TAF3: variants seen among roughly 807,000 people sequenced by gnomAD.
The protein encoded by TAF3 is TATA-box binding protein associated factor 3.
Under a neutral mutation model 80.6 loss-of-function variants are expected in TAF3, and 7 were observed. That is an observed-to-expected ratio of 0.09 (90% CI 0.05 to 0.16). TAF3 has a LOEUF of 0.16. Among genes scored for constraint, TAF3 ranks in the 10% least tolerant of loss-of-function variants. The probability of loss-of-function intolerance (pLI) is 1.00; values close to 1 mark genes in which losing one functional copy is unlikely to be tolerated. For missense variants in TAF3, 921 were observed against 1,140.2 expected, an observed-to-expected ratio of 0.81 and a Z score of 2.77; for synonymous variants, 444 against 446.1, an observed-to-expected ratio of 1.00 and a Z score of 0.06.
intron 2 of TAF3, among the ~76,000 whole-genome samples, chr10:7,887,206 T>C (rs12217809): frequency 0.18 from 27,614 of 150,070 alleles, 2,737 homozygotes; most frequent in East Asian, 0.29. Flanking sequence ...CACTCCTGCC[T>C]GGGTGACAGA....
chr10:7,836,144 C>T (rs1282166617), intron 2 of TAF3, among the ~76,000 whole-genome samples: 3 of 152,126 alleles, frequency 2.0e-5, no homozygotes, highest in Non-Finnish European at 4.4e-5. Flanking sequence ...ATGTTTCTCA[C>T]GTTACTTAGT....
At chr10:7,880,088 A>G (rs561597246) in intron 2 of TAF3, among the ~76,000 whole-genome samples, 135 of 152,156 alleles carry the variant, frequency 8.9e-4, no homozygotes, top group African/African-American at 3.2e-3. Flanking sequence ...AAATATAACA[A>G]ATTAGCTGGC....
At chr10:7,827,552 C>T (rs1044395716) in intron 2 of TAF3, among the ~76,000 whole-genome samples, 3 of 151,934 alleles carry the variant, frequency 2.0e-5, no homozygotes, top group Non-Finnish European at 2.9e-5. Context: ...GAGGCGGAGA[C>T]GGGCGGATCA....
At chr10:7,848,732 G>A (rs1345480531) in intron 2 of TAF3, among the ~76,000 whole-genome samples, 1 of 152,098 alleles carries the variant, frequency 6.6e-6, no homozygotes, top group Non-Finnish European at 1.5e-5. Context: ...TGTCCTCAGT[G>A]GTATTAAAGA....
intron 2 of TAF3, among the ~76,000 whole-genome samples, chr10:7,878,000 A>G (rs1482600057): frequency 6.6e-6 from 1 of 152,214 alleles, no homozygotes; most frequent in Non-Finnish European, 1.5e-5. Flanking sequence ...GTACTTTGCA[A>G]CTTGGCATTT....
chr10:7,866,336 G>T (rs1275140374), intron 2 of TAF3, among the ~76,000 whole-genome samples: 2 of 152,180 alleles, frequency 1.3e-5, no homozygotes, highest in Non-Finnish European at 2.9e-5. Flanking sequence ...GAGAGATGAG[G>T]CTGAGTGCAA....
intron 2 of TAF3, among the ~76,000 whole-genome samples, chr10:7,828,884 A>G (rs1432282287): frequency 9.4e-6 from 1 of 106,822 alleles, no homozygotes; most frequent in Non-Finnish European, 1.9e-5. Flanking sequence ...AAATACAAAA[A>G]TTAGCTGGGT....
intron 3 of TAF3, chr10:7,975,152 G>A: frequency 4.1e-6 from 1 of 245,716 alleles, no homozygotes. Flanking sequence ...ATAAGCAGAT[G>A]ATAGAGAAAG....
At chr10:7,876,974 A>G (rs528559179) in intron 2 of TAF3, among the ~76,000 whole-genome samples, 1 of 150,196 alleles carries the variant, frequency 6.7e-6, no homozygotes, top group Admixed American at 6.6e-5. Context: ...TGATTTTCAG[A>G]TCTCTCTTTG....
chr10:7,951,060 G>T (rs945630318), intron 2 of TAF3, among the ~76,000 whole-genome samples: 2 of 152,166 alleles, frequency 1.3e-5, no homozygotes, highest in African/African-American at 2.4e-5. Context: ...TAAAACAAGG[G>T]TATGCATCGA....
At position 8,016,513 on chromosome 10, in the gene TAF3, G is replaced by T. The variant is rs1199165924; in HGVS notation, c.*1762G>T. On this transcript the variant is annotated 3_prime_UTR_variant, in exon 7 of 7. Transcript: ENST00000344293. ...ATGTGTTTTTTTGTTTGATTAATTT[G>T]AGATCATTCTAAATACTTTATACAA... The T allele has an allele frequency of 6.6e-6, 1 of 151,854 alleles. No homozygotes were observed. The highest frequency in any genetic ancestry group is 1.9e-4 in the East Asian group (1 of 5,178). 9.4% of individuals were successfully genotyped at this position (151,854 alleles called of 1,614,324 possible).
intron 5 of TAF3, among the ~76,000 whole-genome samples, chr10:8,011,515 G>A (rs1335368169): frequency 2.0e-5 from 3 of 152,136 alleles, no homozygotes; most frequent in African/African-American, 7.2e-5. Context: ...GGCTCAAGCA[G>A]TCCTTCCACC....
intron 4 of TAF3, among the ~76,000 whole-genome samples, chr10:7,991,822 A>G (rs1831836945): frequency 6.6e-6 from 1 of 152,176 alleles, no homozygotes; most frequent in Non-Finnish European, 1.5e-5. Flanking sequence ...TGAAGTGGTA[A>G]TGTTGGATTT....
At chr10:7,856,000 T>TA (rs1837075742) in intron 2 of TAF3, among the ~76,000 whole-genome samples, 1 of 150,762 alleles carries the variant, frequency 6.6e-6, no homozygotes, top group South Asian at 2.1e-4. Flanking sequence ...CAAGAAAAGA[T>TA]AACCAGGAAG....
intron 2 of TAF3, among the ~76,000 whole-genome samples, chr10:7,860,987 A>C (rs1294069419): frequency 6.7e-6 from 1 of 149,594 alleles, no homozygotes; most frequent in East Asian, 2.0e-4. Context: ...TGTGAGACGG[A>C]GTCTTGCTGT....
chr10:7,852,392 C>G (rs770050790), intron 2 of TAF3, among the ~76,000 whole-genome samples: 8 of 152,098 alleles, frequency 5.3e-5, no homozygotes, highest in Non-Finnish European at 7.4e-5. Context: ...TGGTTGATCT[C>G]TCTCCCTCTC....
In TAF3 at chr10:7,863,626, A is replaced by AAAAAAAATAT. The variant is rs1218836662; in HGVS notation, c.409+39067_409+39068insAAAAAATATA. Among the ~76,000 whole-genome samples the AAAAAAAATAT allele has an allele frequency of 1.7e-4, 8 of 48,098 alleles. 1 individual carries two copies. Among genetic ancestry groups the AAAAAAAATAT allele is most frequent in the African/African-American group, 6.2e-4 (8 of 12,912 alleles). 31.6% of individuals were successfully genotyped at this position (48,098 alleles called of 152,430 possible). A position where few individuals can be genotyped will look rare whatever the true frequency, so the allele number is the denominator to read the frequency against. On this transcript the variant is annotated intron_variant, in intron 2 of 6. Transcript: ENST00000344293. The stretch of plus-strand genomic sequence containing the variant: ...CTCTGTCTAAAAAAAAAAAAAAAAA[A>AAAAAAAATAT]ATATATATATATATATATATACACA...
intron 4 of TAF3, among the ~76,000 whole-genome samples, chr10:8,002,507 A>G (rs968493766): frequency 6.6e-6 from 1 of 152,218 alleles, no homozygotes; most frequent in Non-Finnish European, 1.5e-5. Context: ...GAGGACATAG[A>G]AATTAGAAAG....
intron 2 of TAF3, among the ~76,000 whole-genome samples, chr10:7,916,490 C>A (rs1837713359): frequency 6.6e-6 from 1 of 152,146 alleles, no homozygotes; most frequent in Non-Finnish European, 1.5e-5. Flanking sequence ...TGCTAATATA[C>A]CTATATGTCT....
Sources: gnomAD v4.1 joint callset for allele counts (sites outside exome capture counted in the v4.1 genomes callset) on GRCh38, gnomAD v4.1.1 for gene constraint, MANE v1.5 for transcripts, NCBI Gene and HGNC (gene_info 2026-07-23, HGNC 2026-07-21) for gene names.